The following CACNA1I variants were observed in gnomAD, a reference collection of about 807,000 sequenced individuals.
The protein encoded by CACNA1I is voltage-dependent T-type calcium channel subunit alpha-1I.
A neutral mutation model predicts 201.6 loss-of-function variants in CACNA1I; 74 were observed. The observed-to-expected ratio is 0.37, with a 90% CI of 0.30 to 0.45. The LOEUF is 0.45. Among genes scored for constraint, CACNA1I ranks in the 20% least tolerant of loss-of-function variants. The pLI, the probability that CACNA1I is intolerant of heterozygous loss-of-function variation, is 1.00. For synonymous variants in CACNA1I, 1,431 were observed against 1,345.2 expected (o/e 1.06, Z -1.40); for missense variants, 2,346 against 3,138.1 (o/e 0.75, Z 6.03).
At chr22:39,601,116 G>A (rs560695188) in intron 3 of CACNA1I, among the ~76,000 whole-genome samples, 12 of 152,212 alleles carry the variant, frequency 7.9e-5, no homozygotes, top group African/African-American at 2.6e-4. Context: ...GGACAGGCCT[G>A]GTTACAGCTG....
rs116201534 is a variant in CACNA1I at position 39,643,450 on chromosome 22, G to A, written c.1149+561G>A. 5.5e-3 allele frequency: 856 copies of A among 156,528 alleles called. 3 individuals are homozygous for A. Among genetic ancestry groups the A allele is most frequent in the African/African-American group, 0.019 (790 of 41,608 alleles). 9.7% of individuals were successfully genotyped at this position (156,528 alleles called of 1,614,324 possible). On this transcript the variant is annotated intron_variant, in intron 7 of 36. Coordinates refer to ENST00000402142, the MANE Select transcript of CACNA1I (RefSeq NM_021096.4). ...TCTTCCTGGCCAGCCCCTCTTGCCT[G>A]CACCCCCATATGGTCTTCCCAGAGT...
intron 2 of CACNA1I, among the ~76,000 whole-genome samples, chr22:39,598,705 G>C (rs2145826146): frequency 6.6e-6 from 1 of 152,170 alleles, no homozygotes; most frequent in East Asian, 1.9e-4. Context: ...TAGAGGCCAA[G>C]TTCACACCCT....
intron 1 of CACNA1I, among the ~76,000 whole-genome samples, chr22:39,596,135 CGGAGAGAGATGGGGGAGCAGGGT>C (rs1385601401): frequency 2.2e-5 from 2 of 90,730 alleles, no homozygotes; most frequent in Non-Finnish European, 2.1e-5. Flanking sequence ...CAGGGCAGGG[CGGAGAGAGATGGGGGAGCAGGGT>C]GGAGAGAGAT....
At chr22:39,603,695 C>T (rs911462068) in intron 3 of CACNA1I, among the ~76,000 whole-genome samples, 8 of 152,248 alleles carry the variant, frequency 5.3e-5, no homozygotes, top group African/African-American at 1.9e-4. Flanking sequence ...AAAAAGTGAC[C>T]CTTACACAAA....
rs531578579 is a variant in CACNA1I, at chr22:39,677,291, C to T, written c.4855-50C>T. On this transcript the variant is annotated intron_variant, in intron 29 of 36. Coordinates refer to ENST00000402142, the MANE Select transcript of CACNA1I (RefSeq NM_021096.4). The surrounding 1 kb of genome is among the most constrained non-coding windows in gnomAD (Gnocchi z 4.8). ...GCCTCCACCCTTCCCAGGCCTGGTG[C>T]GCCCCCACCCGCTCCCCAGCCCCAC... 48 of 1,295,186 alleles carry T rather than the reference C, an allele frequency of 3.7e-5. No individual in the cohort carries two copies. The highest frequency in any genetic ancestry group is 2.0e-4 in the East Asian group (8 of 40,320). 80.2% of individuals were successfully genotyped at this position (1,295,186 alleles called of 1,614,324 possible).
chr22:39,672,982 G>A lies in CACNA1I; in HGVS notation c.4683G>A (p.Leu1561=). ...WNQLDLAIVL[L]SVMGITLEEI... ...AGCTGGACCTGGCCATTGTGCTACT[G>A]TCAGTCATGGGCATCACCCTGGAGG... The change falls in exon 28 of 37, where the codon CTG becomes CTA. Residue 1561 remains leucine, a synonymous_variant. Coordinates refer to ENST00000402142, the MANE Select transcript of CACNA1I (RefSeq NM_021096.4). The A allele has an allele frequency of 6.2e-7, 1 of 1,613,846 alleles. No individual in the cohort carries two copies. Among genetic ancestry groups the A allele is most frequent in the Non-Finnish European group, 8.5e-7 (1 of 1,179,812 alleles).
intron 1 of CACNA1I, among the ~76,000 whole-genome samples, chr22:39,587,337 T>C (rs1932765496): frequency 6.6e-6 from 1 of 152,206 alleles, no homozygotes; most frequent in Admixed American, 6.6e-5. Flanking sequence ...GAACCAATCA[T>C]GCCATTTGTC....
chr22:39,608,871 C>T (rs780052708), intron 3 of CACNA1I, among the ~76,000 whole-genome samples: 1 of 151,988 alleles, frequency 6.6e-6, no homozygotes, highest in South Asian at 2.1e-4. Context: ...GAAACATGGT[C>T]TCTGGAATGC....
At chr22:39,620,162 C>CCCATCCATCCACCCACCCAT (rs1569065554) in intron 4 of CACNA1I, among the ~76,000 whole-genome samples, 4 of 124,282 alleles carry the variant, frequency 3.2e-5, no homozygotes, top group East Asian at 5.2e-4. Flanking sequence ...CATCCACCCA[C>CCCATCCATCCACCCACCCAT]CCATCCATCC....
intron 1 of CACNA1I, among the ~76,000 whole-genome samples, chr22:39,580,941 C>T (rs1932527688): frequency 6.6e-6 from 1 of 152,236 alleles, no homozygotes; most frequent in Non-Finnish European, 1.5e-5. Flanking sequence ...CGCCCCCAGG[C>T]CTGTTCAGCC....
chr22:39,585,492 C>A (rs1333319582), intron 1 of CACNA1I, among the ~76,000 whole-genome samples: 1 of 144,586 alleles, frequency 6.9e-6, no homozygotes, highest in Non-Finnish European at 1.5e-5. Flanking sequence ...CGATTTTAAG[C>A]GATTCTCCTG....
intron 24 of CACNA1I, among the ~76,000 whole-genome samples, chr22:39,669,208 A>G (rs1423270199): frequency 6.6e-6 from 1 of 152,216 alleles, no homozygotes; most frequent in African/African-American, 2.4e-5. Context: ...TGCAACTCCC[A>G]GGCTGGTAAT....
chr22:39,570,926 C>G lies in CACNA1I; in HGVS notation c.174C>G (p.Ala58=). The change falls in exon 1 of 37, where the codon GCC becomes GCG. Residue 58 remains alanine (A), a synonymous_variant. Transcript: ENST00000402142. ...CACACCCAGACCTGGCGCCTATTGC[C>G]TTCTTCTGCCTGCGACAGACCACCA... ...HVPHPDLAPI[A]FFCLRQTTSP... is the part of the protein sequence containing the mutation. 6.2e-7 allele frequency: 1 copy of G among 1,613,804 alleles called. No individual in the cohort carries two copies.
chr22:39,584,199 G>A (rs1055077892), intron 1 of CACNA1I, among the ~76,000 whole-genome samples: 1 of 152,128 alleles, frequency 6.6e-6, no homozygotes, highest in African/African-American at 2.4e-5. Flanking sequence ...ATTGAGGAGT[G>A]GGCAGAAAGG....
chr22:39,571,419 C>G (rs912910376), intron 1 of CACNA1I, among the ~76,000 whole-genome samples: 18 of 152,172 alleles, frequency 1.2e-4, no homozygotes, highest in Middle Eastern at 3.2e-3. Context: ...AGGACTCATT[C>G]TCCTTACTGT....
At chr22:39,664,669 GC>G (rs1271539021) in intron 20 of CACNA1I, 69 bp from the exon 21 acceptor site, 2 of 573,428 alleles carry the variant, frequency 3.5e-6, no homozygotes, top group African/African-American at 4.1e-5. Flanking sequence ...CTTGCATAGA[GC>G]CCGGTTGGCC....
At chr22:39,651,523 C>T (rs1200065644) in intron 10 of CACNA1I, among the ~76,000 whole-genome samples, 1 of 152,174 alleles carries the variant, frequency 6.6e-6, no homozygotes, top group African/African-American at 2.4e-5. Context: ...GACCCCCTTG[C>T]TTAGAGTTCA....
rs6001643 is a variant in CACNA1I, at chr22:39,670,382, G to C, written c.4387+152G>C. 2.7e-3 allele frequency among the ~76,000 whole-genome samples: 411 copies of C among 152,298 alleles called. 2 individuals are homozygous for C. The highest frequency in any genetic ancestry group is 9.8e-3 in the African/African-American group (406 of 41,560). On this transcript the variant is annotated intron_variant, in intron 25 of 36. Transcript: ENST00000402142. ...CAGCCACTTCTCCCAGCATCTTCCT[G>C]TCCAGGGGATCTGAGCCCCATCAGT...
Position 39,659,888 on chromosome 22 carries a change from G to C in CACNA1I, c.2604+36G>C, listed in dbSNP as rs1379316698. On this transcript the variant is annotated intron_variant, in intron 14 of 36. Transcript: ENST00000402142. The surrounding 1 kb of genome is among the most constrained non-coding windows in gnomAD (Gnocchi z 4.3). ...TCTTGGCAGAGGAAGCACCCCCACA[G>C]GGTCTGCGAAAGACTGGGCGAGGGA... 1 of 1,612,942 alleles carries C rather than the reference G, an allele frequency of 6.2e-7. No homozygotes were observed. The highest frequency in any genetic ancestry group is 8.5e-7 in the Non-Finnish European group (1 of 1,179,436).
Sources: allele counts gnomAD v4.1 joint callset (sites outside exome capture counted in the v4.1 genomes callset), GRCh38; gene constraint gnomAD v4.1.1; non-coding constraint Gnocchi (gnomAD v3.1); transcripts MANE v1.5; gene names NCBI Gene and HGNC (gene_info 2026-07-23, HGNC 2026-07-21).